The following CIITA variants were observed in gnomAD, a reference collection of about 807,000 sequenced individuals.
The protein encoded by CIITA is class II major histocompatibility complex transactivator.
In CIITA, 72 loss-of-function variants were observed where a neutral mutation model predicts 115.1. The ratio of observed to expected loss-of-function variants is 0.63; its 90% CI spans 0.52 to 0.76. CIITA has a LOEUF of 0.76. Ranked by LOEUF, CIITA falls within the 30% of genes least tolerant of loss-of-function variation. The pLI is 0.00. For synonymous variants in CIITA, 763 were observed against 635.6 expected (o/e 1.20, Z -3.02); for missense variants, 1,617 against 1,463.8 (o/e 1.10, Z -1.71).
Position 10,907,904 on chromosome 16 carries a change from G to A in CIITA, c.2412G>A (p.Arg804=). The A allele has an allele frequency of 6.3e-7, 1 of 1,583,688 alleles. No homozygotes were observed. The highest frequency in any genetic ancestry group is 8.6e-7 in the Non-Finnish European group (1 of 1,165,258). Reference sequence around the variant, plus strand: ...TGCAGCCGGGGACACTGCGGGCGCGGCAGCTGCTGGAGCTGCTGCACTGCG... The same window carrying A: ...TGCAGCCGGGGACACTGCGGGCGCGACAGCTGCTGGAGCTGCTGCACTGCG... ...KRLQPGTLRA[R]QLLELLHCAH... The change falls in exon 11 of 20, where the codon CGG becomes CGA. Residue 804 remains arginine, a synonymous_variant. Coordinates refer to ENST00000324288, the MANE Select transcript of CIITA (RefSeq NM_000246.4). This position sits in a 1 kb window ranked among gnomAD's most constrained non-coding sequence, Gnocchi z 5.0.
intron 3 of CIITA, among the ~76,000 whole-genome samples, chr16:10,896,449 C>G (rs2038132757): frequency 6.6e-6 from 1 of 152,180 alleles, no homozygotes; most frequent in African/African-American, 2.4e-5. Context: ...TTAAGAAGAG[C>G]TACAGCTTTC....
chr16:10,927,353 A>G lies in CIITA; in HGVS notation c.*3498A>G, dbSNP rs141824998. 82 of 152,328 alleles carry G rather than the reference A, an allele frequency of 5.4e-4. No homozygotes were observed. Among genetic ancestry groups the G allele is most frequent in the African/African-American group, 1.6e-3 (65 of 41,564 alleles). The allele number at this position is 152,328 out of a possible 1,614,324, so 9.4% of individuals were successfully genotyped here. On this transcript the variant is annotated 3_prime_UTR_variant, in exon 20 of 20. Coordinates refer to ENST00000324288, the MANE Select transcript of CIITA (RefSeq NM_000246.4). The stretch of plus-strand genomic sequence containing the variant: ...GGACATGAGCTCCAGGAGGGCGGGA[A>G]ACATCTCGCTTTGTACACTGCTGTG...
At chr16:10,867,339 T>G (rs2035153972) in intron 1 of CIITA, among the ~76,000 whole-genome samples, 2 of 148,968 alleles carry the variant, frequency 1.3e-5, no homozygotes, top group Non-Finnish European at 3.0e-5. Context: ...GGGGCATGTG[T>G]GCGTTTGCAT....
In CIITA at chr16:10,879,877, C is replaced by T. The variant is rs1032123261; in HGVS notation, c.52+2495C>T. 6.6e-6 allele frequency among the ~76,000 whole-genome samples: 1 copy of T among 152,192 alleles called. No individual in the cohort carries two copies. Among genetic ancestry groups the T allele is most frequent in the East Asian group, 1.9e-4 (1 of 5,196 alleles). ...AAAGCCGCGGTCCTCCTGAGTCCCACAGCCCCTCTCCACCCTAGGTGGCAC... is the reference window on the plus strand; with the variant it reads ...AAAGCCGCGGTCCTCCTGAGTCCCATAGCCCCTCTCCACCCTAGGTGGCAC... On this transcript the variant is annotated intron_variant, in intron 1 of 19. Transcript: ENST00000324288. This position sits in a 1 kb window ranked among gnomAD's most constrained non-coding sequence, Gnocchi z 4.3.
At chr16:10,899,143 C>T (rs2038447345) in intron 5 of CIITA, 141 bp downstream of exon 5, 1 of 765,956 alleles carries the variant, frequency 1.3e-6, no homozygotes, top group East Asian at 2.7e-5. Flanking sequence ...CAACAGGAGC[C>T]TTAAAATGTA....
chr16:10,915,623 C>T lies in CIITA; in HGVS notation c.2942C>T (p.Thr981Met), dbSNP rs369744959. 6.2e-5 allele frequency: 100 copies of T among 1,614,122 alleles called. No individual in the cohort carries two copies. Among genetic ancestry groups the T allele is most frequent in the Admixed American group, 5.7e-4 (34 of 60,026 alleles). Residue 981 changes from threonine (T) to methionine (M), a missense_variant, in exon 14 of 20, where the codon ACG (threonine) becomes ATG (methionine). Thr to Met is a moderately conservative substitution (Grantham distance 81). Transcript: ENST00000324288. ...QAFPKLVRIL[T>M]AFSSLQHLDL... is the part of the protein sequence containing the mutation. Reference sequence around the variant, plus strand: ...TTCCCCAAACTGGTGCGGATCCTCACGGCCTTTTCCTCCCTGCAGCATCTG... The same window carrying T: ...TTCCCCAAACTGGTGCGGATCCTCATGGCCTTTTCCTCCCTGCAGCATCTG...
chr16:10,901,868 G>A lies in CIITA; in HGVS notation c.482-170G>A, dbSNP rs772625450. ...AGCCAAGTCACAAGGAGAGGACTGG[G>A]GGACTGCCTGGCACAGAGCAGTTGC... is the stretch of plus-strand genomic sequence containing the variant. On this transcript the variant is annotated intron_variant, in intron 6 of 19. Coordinates refer to ENST00000324288, the MANE Select transcript of CIITA (RefSeq NM_000246.4). The surrounding 1 kb of genome is among the most constrained non-coding windows in gnomAD (Gnocchi z 6.8). 1.5e-5 allele frequency: 14 copies of A among 961,054 alleles called. No individual in the cohort carries two copies. Among genetic ancestry groups the A allele is most frequent in the Non-Finnish European group, 2.3e-5 (14 of 617,410 alleles). 59.5% of individuals were successfully genotyped at this position (961,054 alleles called of 1,614,324 possible). A position where few individuals can be genotyped will look rare whatever the true frequency, so the allele number is the denominator to read the frequency against.
intron 16 of CIITA, 109 bp downstream of exon 16, chr16:10,918,635 C>T (rs756442368): frequency 1.1e-6 from 1 of 893,518 alleles, no homozygotes; most frequent in African/African-American, 1.6e-5. Context: ...GAAGCAATCA[C>T]CACAGCCCTG....
intron 10 of CIITA, among the ~76,000 whole-genome samples, chr16:10,906,221 A>G (rs556015341): frequency 1.5e-4 from 23 of 151,888 alleles, no homozygotes; most frequent in South Asian, 1.5e-3. Flanking sequence ...TTATCTGGGC[A>G]TGGTGTCACA....
intron 14 of CIITA, 32 bp downstream of exon 14, chr16:10,915,682 A>C: frequency 3.2e-6 from 5 of 1,567,486 alleles, no homozygotes; most frequent in Non-Finnish European, 4.4e-6. Flanking sequence ...CCTTCCTCTC[A>C]ACATCTGGGT....
intron 1 of CIITA, among the ~76,000 whole-genome samples, chr16:10,868,281 G>A (rs1252555562): frequency 6.6e-6 from 1 of 152,172 alleles, no homozygotes; most frequent in African/African-American, 2.4e-5. Context: ...GACGCAACTT[G>A]CCCAGGTCCC....
At chr16:10,898,289 T>G (rs1394950341) in intron 3 of CIITA, among the ~76,000 whole-genome samples, 1 of 152,078 alleles carries the variant, frequency 6.6e-6, no homozygotes, top group Non-Finnish European at 1.5e-5. Flanking sequence ...TAGTAGGCAT[T>G]ATTTATTCAT....
chr16:10,912,473 G>C (rs976906581), intron 13 of CIITA, among the ~76,000 whole-genome samples: 4 of 152,176 alleles, frequency 2.6e-5, no homozygotes, highest in South Asian at 4.1e-4. Context: ...GTGGAAGACA[G>C]ACAGTCATCA....
chr16:10,899,064 C>A, intron 5 of CIITA, 62 bp downstream of exon 5: 1 of 1,532,826 alleles, frequency 6.5e-7, no homozygotes, highest in Non-Finnish European at 9.0e-7. Context: ...TCCTTGACTC[C>A]AAAGCCTGCT....
At position 10,907,172 on chromosome 16, in the gene CIITA, C is replaced by A. The variant is rs374666560; in HGVS notation, c.1680C>A (p.Ala560=). The change falls in exon 11 of 20, where the codon GCC becomes GCA. Residue 560 remains alanine (A), a synonymous_variant. Transcript: ENST00000324288. The surrounding 1 kb of genome is among the most constrained non-coding windows in gnomAD (Gnocchi z 5.0). ...RGRLVQSLSK[A]DALFELSGFS... ...GCCTGGTCCAGAGCCTGAGCAAGGC[C>A]GACGCCCTATTTGAGCTGTCCGGCT... 21 of 1,613,174 alleles carry A rather than the reference C, an allele frequency of 1.3e-5. No individual in the cohort carries two copies. The highest frequency in any genetic ancestry group is 1.8e-5 in the Non-Finnish European group (21 of 1,179,884).
At chr16:10,899,578 C>T (rs2038499353) in intron 5 of CIITA, among the ~76,000 whole-genome samples, 1 of 152,180 alleles carries the variant, frequency 6.6e-6, no homozygotes, top group African/African-American at 2.4e-5. Flanking sequence ...CTTTCTTGCT[C>T]GTGACTGTTT....
intron 15 of CIITA, 34 bp downstream of exon 15, chr16:10,916,493 C>A: frequency 6.3e-7 from 1 of 1,576,102 alleles, no homozygotes. Context: ...CCTGCTGAAT[C>A]GGGCCCCCAA....
In CIITA at chr16:10,901,933, G is replaced by A. The variant is rs1400197902; in HGVS notation, c.482-105G>A. 13 of 1,473,148 alleles carry A rather than the reference G, an allele frequency of 8.8e-6. No individual in the cohort carries two copies. In the East Asian group the frequency reaches 2.5e-4, roughly 28 times the overall value. 91.3% of individuals were successfully genotyped at this position (1,473,148 alleles called of 1,614,324 possible). ...GCAGCCAGGGCTGAGAAGATGACAA[G>A]CATTTCCTCTGTCAGGAGAGACATC... is the stretch of plus-strand genomic sequence containing the variant. On this transcript the variant is annotated intron_variant, in intron 6 of 19. Coordinates refer to ENST00000324288, the MANE Select transcript of CIITA (RefSeq NM_000246.4). The surrounding 1 kb of genome is among the most constrained non-coding windows in gnomAD (Gnocchi z 6.8).
chr16:10,939,002 TG>T (rs1355975369), downstream of CIITA: 1 of 152,232 alleles, frequency 6.6e-6, no homozygotes, highest in Non-Finnish European at 1.5e-5. This position sits in a 1 kb window ranked among gnomAD's most constrained non-coding sequence, Gnocchi z 4.9. Flanking sequence ...ATGCTTGGCT[TG>T]GAGACAGGGA....
Sources: gnomAD v4.1 joint callset for allele counts (sites outside exome capture counted in the v4.1 genomes callset) on GRCh38, gnomAD v4.1.1 for gene constraint, Gnocchi (gnomAD v3.1) non-coding constraint, MANE v1.5 for transcripts, NCBI Gene and HGNC (gene_info 2026-07-23, HGNC 2026-07-21) for gene names.